NAALADL2: variants seen among roughly 807,000 people sequenced by gnomAD.
NAALADL2 encodes the protein inactive N-acetylated-alpha-linked acidic dipeptidase-like protein 2.
In NAALADL2, 76 loss-of-function variants were observed where a neutral mutation model predicts 87.2. That is an observed-to-expected ratio of 0.87 (90% confidence interval 0.72 to 1.05). NAALADL2 has a LOEUF of 1.05. Ranked by LOEUF, NAALADL2 falls within the 50% of genes least tolerant of loss-of-function variation. The probability of loss-of-function intolerance (pLI) is 0.00; values close to 1 mark genes in which losing one functional copy is unlikely to be tolerated. For missense variants in NAALADL2, 1,089 were observed against 945.8 expected (o/e 1.15, Z -1.99); for synonymous variants, 354 against 331.0 (o/e 1.07, Z -0.75).
chr3:174,791,563 T>C (rs999043145), intron 3 of NAALADL2, among the ~76,000 whole-genome samples: 1 of 152,284 alleles, frequency 6.6e-6, no homozygotes, highest in South Asian at 2.1e-4. Flanking sequence ...TTATAGTATT[T>C]TGTTACAGCA....
intron 5 of NAALADL2, among the ~76,000 whole-genome samples, chr3:175,409,262 T>C (rs1327575636): frequency 6.8e-6 from 1 of 147,806 alleles, no homozygotes; most frequent in Non-Finnish European, 1.5e-5. Flanking sequence ...AGAGATTCTC[T>C]TTTTTACTTG....
At chr3:175,618,090 G>A (rs1046901452) in intron 10 of NAALADL2, among the ~76,000 whole-genome samples, 7 of 152,188 alleles carry the variant, frequency 4.6e-5, no homozygotes, top group Non-Finnish European at 7.3e-5. Flanking sequence ...CTTCTCAGCA[G>A]TAGTCAGGGT....
intron 2 of NAALADL2, among the ~76,000 whole-genome samples, chr3:174,668,952 G>A (rs9878680): frequency 0.63 from 96,061 of 151,292 alleles, 31,177 homozygotes; most frequent in Admixed American, 0.72. Context: ...GGATGGCTGA[G>A]TCAAATGGTA....
At chr3:174,827,548 T>C (rs778386535) in intron 3 of NAALADL2, among the ~76,000 whole-genome samples, 2 of 152,194 alleles carry the variant, frequency 1.3e-5, no homozygotes, top group Non-Finnish European at 2.9e-5. Context: ...GTTATTAGTT[T>C]GGGCCCACTA....
At chr3:175,785,315 C>G (rs1158968434) in intron 13 of NAALADL2, among the ~76,000 whole-genome samples, 2 of 149,286 alleles carry the variant, frequency 1.3e-5, no homozygotes, top group Non-Finnish European at 2.9e-5. Context: ...GTTAAAGTCT[C>G]CCATTATTAA....
intron 9 of NAALADL2, among the ~76,000 whole-genome samples, chr3:175,503,045 T>C (rs2149373498): frequency 6.6e-6 from 1 of 152,118 alleles, no homozygotes; most frequent in Middle Eastern, 3.4e-3. Flanking sequence ...ATCTGCATAG[T>C]ACTGGATAGG....
At chr3:174,876,330 T>G (rs1728508740) in intron 1 of NAALADL2, among the ~76,000 whole-genome samples, 2 of 152,202 alleles carry the variant, frequency 1.3e-5, no homozygotes, top group South Asian at 4.1e-4. Context: ...TGTTTTTTAC[T>G]CTTCAACTTG....
intron 2 of NAALADL2, among the ~76,000 whole-genome samples, chr3:175,170,204 C>T (rs1169959537): frequency 1.3e-5 from 2 of 151,548 alleles, no homozygotes; most frequent in Non-Finnish European, 3.0e-5. Flanking sequence ...ATAACAATTG[C>T]AAAATCATAC....
chr3:175,691,324 T>C (rs967510988), intron 11 of NAALADL2, among the ~76,000 whole-genome samples: 1 of 151,358 alleles, frequency 6.6e-6, no homozygotes, highest in Non-Finnish European at 1.5e-5. Context: ...ATTAATTTTA[T>C]CTGTAGGTAT....
intron 13 of NAALADL2, among the ~76,000 whole-genome samples, chr3:175,786,878 A>C (rs1752052653): frequency 6.6e-6 from 1 of 152,146 alleles, no homozygotes; most frequent in Non-Finnish European, 1.5e-5. Context: ...GGTGATGTAC[A>C]GATGGGTTTT....
At chr3:175,273,046 A>G (rs1265911890) in intron 4 of NAALADL2, among the ~76,000 whole-genome samples, 2 of 152,114 alleles carry the variant, frequency 1.3e-5, no homozygotes, top group Non-Finnish European at 2.9e-5. Flanking sequence ...GATGTACTAA[A>G]TATTTAGTCC....
chr3:174,908,314 A>G (rs114263627), intron 1 of NAALADL2, among the ~76,000 whole-genome samples: 2,485 of 152,192 alleles, frequency 0.016, 102 homozygotes, highest in African/African-American at 0.057. Context: ...AAGTAGTTTT[A>G]GAGCTCAAGG....
chr3:174,990,377 A>T (rs530913680), intron 1 of NAALADL2, among the ~76,000 whole-genome samples: 48 of 152,274 alleles, frequency 3.2e-4, no homozygotes, highest in African/African-American at 1.2e-3. Context: ...ATCCATTACC[A>T]ATCCTGAGCC....
intron 1 of NAALADL2, among the ~76,000 whole-genome samples, chr3:174,942,753 T>G (rs1488287724): frequency 6.6e-6 from 1 of 152,198 alleles, no homozygotes; most frequent in Non-Finnish European, 1.5e-5. Flanking sequence ...ATTTTTTCCT[T>G]AAATTTTGGT....
Position 175,011,272 on chromosome 3 carries a change from C to CAGAG in NAALADL2, c.44-85514_44-85511dup, listed in dbSNP as rs1408169414. On this transcript the variant is annotated intron_variant, in intron 1 of 13. Coordinates refer to ENST00000454872, the MANE Select transcript of NAALADL2 (RefSeq NM_207015.3). Reference sequence around the variant, plus strand: ...AGAGACAGAGAGAGAGGGAGAGAGACAGAGAGACAGAGAGAGAGAGAGAGA... The same window carrying CAGAG: ...AGAGACAGAGAGAGAGGGAGAGAGACAGAGAGAGAGACAGAGAGAGAGAGAGAGA... Among the ~76,000 whole-genome samples the CAGAG allele has an allele frequency of 6.6e-3, 731 of 110,262 alleles. 27 individuals are homozygous for CAGAG. Among genetic ancestry groups the CAGAG allele is most frequent in the African/African-American group, 0.021 (680 of 31,970 alleles). 72.3% of individuals were successfully genotyped at this position (110,262 alleles called of 152,430 possible).
At chr3:174,955,825 G>A (rs187013551) in intron 1 of NAALADL2, among the ~76,000 whole-genome samples, 13 of 152,160 alleles carry the variant, frequency 8.5e-5, no homozygotes, top group Non-Finnish European at 1.3e-4. Flanking sequence ...TGATTTATTA[G>A]GCCTCGCTGG....
intron 2 of NAALADL2, among the ~76,000 whole-genome samples, chr3:175,231,962 G>C (rs1275515655): frequency 6.6e-6 from 1 of 152,034 alleles, no homozygotes; most frequent in Non-Finnish European, 1.5e-5. Flanking sequence ...GTAGAGAACA[G>C]ATAAAGTAAC....
chr3:174,608,381 G>T (rs1311911308), intron 2 of NAALADL2, among the ~76,000 whole-genome samples: 7 of 151,826 alleles, frequency 4.6e-5, no homozygotes, highest in Non-Finnish European at 8.8e-5. Context: ...TCCAGGAGCT[G>T]GTTTTTTGAA....
chr3:175,730,491 T>C (rs1743597641), intron 11 of NAALADL2, among the ~76,000 whole-genome samples: 1 of 141,386 alleles, frequency 7.1e-6, no homozygotes, highest in East Asian at 2.2e-4. Context: ...CGTACACTTT[T>C]TCCTTAACTC....
Sources: gnomAD v4.1 joint callset for allele counts (sites outside exome capture counted in the v4.1 genomes callset) on GRCh38, gnomAD v4.1.1 for gene constraint, MANE v1.5 for transcripts, NCBI Gene and HGNC (gene_info 2026-07-23, HGNC 2026-07-21) for gene names.